Variants in ACVR2A observed in about 807,000 individuals in gnomAD.
ACVR2A encodes the protein activin receptor type-2A.
In ACVR2A, 7 loss-of-function variants were observed where a neutral mutation model predicts 61.4. The observed-to-expected ratio is 0.11, with a 90% confidence interval of 0.06 to 0.21. ACVR2A has a LOEUF of 0.21. Among genes scored for constraint, ACVR2A ranks in the 10% least tolerant of loss-of-function variants. ACVR2A has a pLI of 1.00. For missense variants in ACVR2A, 322 were observed against 621.7 expected (o/e 0.52, Z 5.13); for synonymous variants, 193 against 208.3 (o/e 0.93, Z 0.63).
At chr2:147,866,408 C>T (rs1419781935) in intron 1 of ACVR2A, among the ~76,000 whole-genome samples, 1 of 152,116 alleles carries the variant, frequency 6.6e-6, no homozygotes, top group African/African-American at 2.4e-5. Flanking sequence ...CCTGAGGTTC[C>T]GCATTTCCAA....
intron 4 of ACVR2A, among the ~76,000 whole-genome samples, chr2:147,908,647 A>G (rs578158206): frequency 1.3e-5 from 2 of 152,250 alleles, no homozygotes; most frequent in Non-Finnish European, 2.9e-5. Flanking sequence ...GCTTGGCAGG[A>G]TAGTCTTTTT....
intron 4 of ACVR2A, among the ~76,000 whole-genome samples, chr2:147,904,353 A>C (rs1483423634): frequency 6.6e-6 from 1 of 151,954 alleles, no homozygotes; most frequent in East Asian, 1.9e-4. Context: ...TCATAACCAT[A>C]TGTGAGCTTG....
At chr2:147,926,199 TA>T (rs1225262685) in intron 10 of ACVR2A, 38 bp downstream of exon 10, 1 of 1,588,788 alleles carries the variant, frequency 6.3e-7, no homozygotes, top group Non-Finnish European at 8.6e-7. Flanking sequence ...GAAATTCCAA[TA>T]AAACACTTTT....
rs1395700254 is a variant in ACVR2A, at chr2:147,873,212, G to A, written c.56-23089G>A. ...CAAGTTTAGCACTATGGAGTGTCTAGAGTGGTGCTACAAAAGAAATGCAAT... is the reference window on the plus strand; with the variant it reads ...CAAGTTTAGCACTATGGAGTGTCTAAAGTGGTGCTACAAAAGAAATGCAAT... On this transcript the variant is annotated intron_variant, in intron 1 of 10. Transcript: ENST00000241416. 2.6e-5 allele frequency among the ~76,000 whole-genome samples: 4 copies of A among 151,920 alleles called. No individual in the cohort carries two copies. In the East Asian group the frequency reaches 7.7e-4, roughly 29 times the overall value.
chr2:147,901,623 C>G (rs1349252369), intron 4 of ACVR2A, among the ~76,000 whole-genome samples: 2 of 151,922 alleles, frequency 1.3e-5, no homozygotes, highest in Non-Finnish European at 2.9e-5. Flanking sequence ...TTATTTAGTA[C>G]TTACATGCTC....
chr2:147,923,202 T>C, intron 9 of ACVR2A, 91 bp downstream of exon 9: 2 of 1,404,558 alleles, frequency 1.4e-6, no homozygotes, highest in Non-Finnish European at 1.9e-6. Flanking sequence ...TATTTTAAAG[T>C]ACAGTTTTTT....
At chr2:147,906,013 C>CT (rs1686981650) in intron 4 of ACVR2A, among the ~76,000 whole-genome samples, 1 of 152,110 alleles carries the variant, frequency 6.6e-6, no homozygotes, top group Non-Finnish European at 1.5e-5. Flanking sequence ...AGGGTCTCGT[C>CT]TGTCAGTTGA....
chr2:147,907,977 T>C (rs1687026145), intron 4 of ACVR2A, among the ~76,000 whole-genome samples: 1 of 147,548 alleles, frequency 6.8e-6, no homozygotes, highest in African/African-American at 2.5e-5. Context: ...AGGCGGAGCT[T>C]GCAGTGAGCC....
At chr2:147,883,309 G>A (rs1288121618) in intron 1 of ACVR2A, among the ~76,000 whole-genome samples, 1 of 152,150 alleles carries the variant, frequency 6.6e-6, no homozygotes, top group East Asian at 1.9e-4. Context: ...TTCTACCTCA[G>A]CCTCCCGAGT....
chr2:147,894,891 G>C (rs1424026561), intron 1 of ACVR2A, among the ~76,000 whole-genome samples: 1 of 152,000 alleles, frequency 6.6e-6, no homozygotes, highest in Non-Finnish European at 1.5e-5. Flanking sequence ...GGCAACCATT[G>C]TACAGTTGAT....
At chr2:147,875,689 T>C (rs1686136265) in intron 1 of ACVR2A, among the ~76,000 whole-genome samples, 2 of 151,964 alleles carry the variant, frequency 1.3e-5, no homozygotes, top group South Asian at 4.2e-4. Context: ...ATAAAATAAA[T>C]TAGGAATGGT....
chr2:147,855,785 G>T (rs1198488886), intron 1 of ACVR2A, among the ~76,000 whole-genome samples: 1 of 151,932 alleles, frequency 6.6e-6, no homozygotes, highest in South Asian at 2.1e-4. Flanking sequence ...CAGACTAGAG[G>T]TTATTGAATT....
At chr2:147,888,681 C>CTTTT (rs1156497786) in intron 1 of ACVR2A, among the ~76,000 whole-genome samples, 6 of 136,758 alleles carry the variant, frequency 4.4e-5, no homozygotes, top group African/African-American at 1.6e-4. Context: ...GCTGCTGCTT[C>CTTTT]TTTTTTTTTT....
chr2:147,899,278 GA>G lies in ACVR2A; in HGVS notation c.264-179del, dbSNP rs1287482058. ...TCAGTTGTTAATTTTTTTTTCTTAA[GA>G]GATTTAGTAACAGGAATCCAGGAAC... On this transcript the variant is annotated intron_variant, in intron 2 of 10. Transcript: ENST00000241416. 7.0e-6 allele frequency: 3 copies of G among 427,226 alleles called. No individual in the cohort carries two copies. The Admixed American group carries it at 1.2e-4, about 17-fold the overall frequency. 26.5% of individuals were successfully genotyped at this position (427,226 alleles called of 1,614,324 possible).
intron 1 of ACVR2A, among the ~76,000 whole-genome samples, chr2:147,865,735 C>T (rs9287411): frequency 0.35 from 53,940 of 152,038 alleles, 10,560 homozygotes; most frequent in South Asian, 0.5. Flanking sequence ...AAGTATATGT[C>T]ACAACTGGGA....
At chr2:147,852,085 T>A (rs1685463375) in intron 1 of ACVR2A, among the ~76,000 whole-genome samples, 1 of 152,086 alleles carries the variant, frequency 6.6e-6, no homozygotes, top group Non-Finnish European at 1.5e-5. Flanking sequence ...AAATTTAAAT[T>A]TTTTTAAATA....
chr2:147,906,985 C>T (rs1687002110), intron 4 of ACVR2A, among the ~76,000 whole-genome samples: 2 of 152,182 alleles, frequency 1.3e-5, no homozygotes, highest in Admixed American at 6.5e-5. Flanking sequence ...TGCTCCCCTT[C>T]CCTTGTTCCC....
chr2:147,880,698 G>A (rs1045439208), intron 1 of ACVR2A, among the ~76,000 whole-genome samples: 4 of 152,108 alleles, frequency 2.6e-5, no homozygotes, highest in Non-Finnish European at 4.4e-5. Flanking sequence ...CAAGAAGTTA[G>A]CTATTTCTCA....
intron 1 of ACVR2A, among the ~76,000 whole-genome samples, chr2:147,866,515 T>C (rs1459508473): frequency 6.6e-6 from 1 of 152,140 alleles, no homozygotes; most frequent in Admixed American, 6.5e-5. Flanking sequence ...GGAAACAATT[T>C]ATACAGGCAC....
Sources: allele counts gnomAD v4.1 joint callset (sites outside exome capture counted in the v4.1 genomes callset), GRCh38; gene constraint gnomAD v4.1.1; transcripts MANE v1.5; gene names NCBI Gene and HGNC (gene_info 2026-07-23, HGNC 2026-07-21).